The following MGLL variants were observed in gnomAD, a reference collection of about 807,000 sequenced individuals.
MGLL encodes the protein lysophospholipase homolog.
MGLL carries 7 observed loss-of-function variants against 29.1 expected under a neutral mutation model. The ratio of observed to expected loss-of-function variants is 0.24; its 90% confidence interval spans 0.14 to 0.45. The LOEUF (loss-of-function observed/expected upper bound fraction) is 0.45, where lower values mean the gene tolerates loss of function less well. MGLL is among the 20% of genes least tolerant of loss of function. The pLI is 0.99. For synonymous variants in MGLL, 148 were observed against 168.3 expected (o/e 0.88, Z 0.93); for missense variants, 356 against 413.6 (o/e 0.86, Z 1.21).
chr3:127,724,332 G>C (rs2075991596), intron 3 of MGLL, among the ~76,000 whole-genome samples: 1 of 152,134 alleles, frequency 6.6e-6, no homozygotes, highest in African/African-American at 2.4e-5. Flanking sequence ...TTTGTGTCTG[G>C]CTTATTTAAT....
intron 2 of MGLL, among the ~76,000 whole-genome samples, chr3:127,782,115 G>A (rs899541980): frequency 2.6e-5 from 4 of 152,232 alleles, no homozygotes; most frequent in Middle Eastern, 3.4e-3. Flanking sequence ...CCAGCTACTC[G>A]GCAGGCTGAG....
chr3:127,816,018 G>C (rs928069407), intron 2 of MGLL, among the ~76,000 whole-genome samples: 1 of 152,204 alleles, frequency 6.6e-6, no homozygotes, highest in African/African-American at 2.4e-5. Context: ...TGCATGCGAG[G>C]GGCGCTGAGC....
At chr3:127,694,816 G>T (rs62265762) in intron 7 of MGLL, among the ~76,000 whole-genome samples, 159 bp downstream of exon 7, 12,790 of 152,182 alleles carry the variant, frequency 0.084, 729 homozygotes, top group Middle Eastern at 0.12. Flanking sequence ...AGGCTCCTGG[G>T]ATTCCTTTTA....
chr3:127,811,043 C>T (rs1486951462), intron 2 of MGLL, among the ~76,000 whole-genome samples: 2 of 149,242 alleles, frequency 1.3e-5, no homozygotes, highest in Non-Finnish European at 2.9e-5. Context: ...CTAGGTGTCA[C>T]TAACTCCTTC....
chr3:127,702,931 G>A (rs1035806991), intron 6 of MGLL, among the ~76,000 whole-genome samples: 1 of 152,158 alleles, frequency 6.6e-6, no homozygotes, highest in African/African-American at 2.4e-5. Context: ...CTGACCTCAG[G>A]TGATCTGCCC....
At chr3:127,787,452 T>A (rs929259408) in intron 2 of MGLL, among the ~76,000 whole-genome samples, 1 of 152,234 alleles carries the variant, frequency 6.6e-6, no homozygotes, top group Admixed American at 6.5e-5. Context: ...GCCTCCTTCC[T>A]GCCTGCCCTT....
chr3:127,699,019 GC>G (rs2075426179), intron 6 of MGLL, among the ~76,000 whole-genome samples: 1 of 152,228 alleles, frequency 6.6e-6, no homozygotes, highest in African/African-American at 2.4e-5. Context: ...TTCCTGGGGA[GC>G]CCCCACTGGC....
intron 5 of MGLL, among the ~76,000 whole-genome samples, chr3:127,716,563 C>T (rs1051740633): frequency 6.6e-6 from 1 of 152,258 alleles, no homozygotes; most frequent in African/African-American, 2.4e-5. Flanking sequence ...GAGCAAGAGG[C>T]TTGAGGGGCG....
At chr3:127,726,652 G>A (rs559916362) in intron 3 of MGLL, among the ~76,000 whole-genome samples, 16 of 152,006 alleles carry the variant, frequency 1.1e-4, no homozygotes, top group Admixed American at 2.0e-4. Flanking sequence ...GGATGGTCTC[G>A]ATCTCCTGAC....
chr3:127,699,762 G>A (rs1217935563), intron 6 of MGLL, among the ~76,000 whole-genome samples: 1 of 152,208 alleles, frequency 6.6e-6, no homozygotes, highest in African/African-American at 2.4e-5. Flanking sequence ...CTCAGAAAAG[G>A]CAGGAATGGT....
At chr3:127,798,478 A>G (rs1365626545) in intron 2 of MGLL, among the ~76,000 whole-genome samples, 1 of 152,222 alleles carries the variant, frequency 6.6e-6, no homozygotes, top group African/African-American at 2.4e-5. Context: ...TGGAGCTGCC[A>G]CTGGACTCTG....
At chr3:127,812,624 C>T (rs572314555) in intron 2 of MGLL, among the ~76,000 whole-genome samples, 3 of 152,240 alleles carry the variant, frequency 2.0e-5, no homozygotes, top group African/African-American at 4.8e-5. Flanking sequence ...TAAGGGGTAA[C>T]GGTGGGCAAT....
At chr3:127,798,827 CACAGCCTT>C (rs2077428893) in intron 2 of MGLL, among the ~76,000 whole-genome samples, 2 of 152,192 alleles carry the variant, frequency 1.3e-5, no homozygotes, top group Non-Finnish European at 2.9e-5. Context: ...GGCTGGGCTC[CACAGCCTT>C]TCCAGGTACC....
At chr3:127,764,285 T>C (rs2076818182) in intron 3 of MGLL, among the ~76,000 whole-genome samples, 2 of 152,250 alleles carry the variant, frequency 1.3e-5, no homozygotes, top group African/African-American at 4.8e-5. Context: ...GGCAACTCTG[T>C]CTCATTTGGG....
intron 2 of MGLL, 66 bp from the exon 3 acceptor site, chr3:127,781,961 C>T (rs2077134878): frequency 1.3e-6 from 2 of 1,488,378 alleles, no homozygotes; most frequent in South Asian, 1.1e-5. Flanking sequence ...TGGCTCATGC[C>T]TACAATTCCA....
intron 3 of MGLL, among the ~76,000 whole-genome samples, chr3:127,742,662 G>A (rs1030184903): frequency 6.8e-6 from 1 of 147,956 alleles, no homozygotes; most frequent in African/African-American, 2.5e-5. Context: ...CTCAAGTTAT[G>A]TGTTTCTCCT....
At chr3:127,753,721 G>T (rs2076602552) in intron 3 of MGLL, among the ~76,000 whole-genome samples, 1 of 152,220 alleles carries the variant, frequency 6.6e-6, no homozygotes, top group Non-Finnish European at 1.5e-5. Context: ...TCTACAGGGG[G>T]CAAGAAGAGC....
rs201835629 is a variant in MGLL at position 127,721,151 on chromosome 3, C to T, written c.412G>A (p.Ala138Thr). 1.1e-4 allele frequency: 172 copies of T among 1,614,134 alleles called. No individual in the cohort carries two copies. Among genetic ancestry groups the T allele is most frequent in the East Asian group, 2.2e-5 (1 of 44,884 alleles). ...LLGHSMGGAI[A>T]ILTAAERPGH... Reference sequence around the variant, plus strand: ...GGCCTCTCTGCGGCCGTGAGGATGGCGATGGCGCCTCCCTGTAATGCAGAA... The same window carrying T: ...GGCCTCTCTGCGGCCGTGAGGATGGTGATGGCGCCTCCCTGTAATGCAGAA... Residue 138 changes from alanine (A) to threonine (T), a missense_variant, in exon 5 of 8, where the codon GCC becomes ACC. Transcript: ENST00000265052.
At chr3:127,697,534 G>A (rs1451704516) in intron 6 of MGLL, among the ~76,000 whole-genome samples, 1 of 152,154 alleles carries the variant, frequency 6.6e-6, no homozygotes, top group Non-Finnish European at 1.5e-5. Context: ...TTCTTGTTCT[G>A]CCCTACAGAA....
Sources: allele counts gnomAD v4.1 joint callset (sites outside exome capture counted in the v4.1 genomes callset), GRCh38; gene constraint gnomAD v4.1.1; transcripts MANE v1.5; gene names NCBI Gene and HGNC (gene_info 2026-07-23, HGNC 2026-07-21).